Variants in CDH18 observed in about 807,000 individuals in gnomAD.
The protein encoded by CDH18 is cadherin 18.
In CDH18, 31 loss-of-function variants were observed where a neutral mutation model predicts 67.9. The ratio of observed to expected loss-of-function variants is 0.46; its 90% confidence interval spans 0.34 to 0.62. The LOEUF is 0.62. Ranked by LOEUF, CDH18 falls within the 20% of genes least tolerant of loss-of-function variation. CDH18 has a pLI of 0.01. For missense variants in CDH18, 890 were observed against 975.5 expected (o/e 0.91, Z 1.17); for synonymous variants, 362 against 347.2 (o/e 1.04, Z -0.48).
At position 19,747,305 on chromosome 5, in the gene CDH18, C is replaced by A. The variant is rs1770155394; in HGVS notation, c.229-69G>T. 8 of 1,278,126 alleles carry A rather than the reference C, an allele frequency of 6.3e-6. No homozygotes were observed. In the Admixed American group the frequency reaches 1.6e-4, roughly 25 times the overall value. The allele number at this position is 1,278,126 out of a possible 1,614,324, so 79.2% of individuals were successfully genotyped here. The stretch of plus-strand genomic sequence containing the variant: ...AACCTCACATTATGTTCTCTGAAAA[C>A]TCCCTATCTATAATTACTTTGGCTA... On this transcript the variant is annotated intron_variant, in intron 3 of 12. Transcript: ENST00000382275.
At chr5:19,843,067 T>C (rs1397592007) in intron 2 of CDH18, among the ~76,000 whole-genome samples, 9 of 152,152 alleles carry the variant, frequency 5.9e-5, no homozygotes, top group Non-Finnish European at 1.3e-4. Flanking sequence ...AAACTAATTT[T>C]ATGGAAAGAA....
chr5:20,136,789 G>A (rs1013674409), intron 2 of CDH18, among the ~76,000 whole-genome samples: 1 of 152,150 alleles, frequency 6.6e-6, no homozygotes, highest in Non-Finnish European at 1.5e-5. Context: ...GCCTGGTGGT[G>A]ACAAAATCTC....
intron 1 of CDH18, among the ~76,000 whole-genome samples, chr5:20,388,155 C>A (rs1744479897): frequency 6.6e-6 from 1 of 152,126 alleles, no homozygotes; most frequent in Non-Finnish European, 1.5e-5. Context: ...CCAGTTCCTC[C>A]TTGTACCTCT....
intron 1 of CDH18, among the ~76,000 whole-genome samples, chr5:20,371,463 A>C (rs532953780): frequency 6.6e-6 from 1 of 152,198 alleles, no homozygotes; most frequent in Non-Finnish European, 1.5e-5. Flanking sequence ...ATTTGGCAAG[A>C]TGGAACATGA....
intron 2 of CDH18, among the ~76,000 whole-genome samples, chr5:19,968,079 CT>C (rs1201711314): frequency 6.6e-6 from 1 of 151,140 alleles, no homozygotes; most frequent in Non-Finnish European, 1.5e-5. Flanking sequence ...CATGAGTGAA[CT>C]CCCATTCACA....
intron 2 of CDH18, among the ~76,000 whole-genome samples, chr5:19,933,705 C>T (rs1793947614): frequency 6.6e-6 from 1 of 151,406 alleles, no homozygotes; most frequent in Non-Finnish European, 1.5e-5. Context: ...CAAATTTCTC[C>T]TTACTGTTTT....
At chr5:20,014,549 C>G (rs1737721664) in intron 2 of CDH18, among the ~76,000 whole-genome samples, 1 of 151,974 alleles carries the variant, frequency 6.6e-6, no homozygotes, top group South Asian at 2.1e-4. Context: ...AATAAGAAAG[C>G]AAAAGAATCT....
intron 1 of CDH18, among the ~76,000 whole-genome samples, chr5:20,551,337 T>C (rs1434585065): frequency 6.6e-6 from 1 of 152,154 alleles, no homozygotes; most frequent in Non-Finnish European, 1.5e-5. Flanking sequence ...TTTACAGTGG[T>C]GTCAAATTCC....
chr5:20,507,370 A>G (rs1754722250), intron 1 of CDH18, among the ~76,000 whole-genome samples: 1 of 152,198 alleles, frequency 6.6e-6, no homozygotes, highest in African/African-American at 2.4e-5. Context: ...ATCTATACTT[A>G]TTGAGTGGAA....
At chr5:19,933,224 C>T (rs1793896013) in intron 2 of CDH18, among the ~76,000 whole-genome samples, 1 of 151,456 alleles carries the variant, frequency 6.6e-6, no homozygotes, top group Admixed American at 6.6e-5. Flanking sequence ...TATAAGCTTG[C>T]TCTACCACAT....
At chr5:20,117,342 G>A (rs57878094) in intron 2 of CDH18, among the ~76,000 whole-genome samples, 21,479 of 152,032 alleles carry the variant, frequency 0.14, 2,640 homozygotes, top group African/African-American at 0.33. Flanking sequence ...GAAAAATGAA[G>A]TATGACTAAT....
chr5:20,385,727 AT>A (rs2150107422), intron 1 of CDH18, among the ~76,000 whole-genome samples: 1 of 152,268 alleles, frequency 6.6e-6, no homozygotes, highest in East Asian at 1.9e-4. Flanking sequence ...TTTCTCTTTG[AT>A]GTGTCTTTAT....
intron 2 of CDH18, among the ~76,000 whole-genome samples, chr5:20,224,859 T>C (rs907831242): frequency 1.7e-4 from 26 of 152,174 alleles, no homozygotes; most frequent in African/African-American, 6.3e-4. Context: ...TATTATATTG[T>C]GTCACAAACA....
intron 5 of CDH18, among the ~76,000 whole-genome samples, chr5:19,703,182 C>A (rs1001348930): frequency 2.0e-5 from 3 of 152,132 alleles, no homozygotes; most frequent in Admixed American, 6.5e-5. Flanking sequence ...CACGACTGAG[C>A]TGGTCTCGGC....
rs6860549 is a variant in CDH18, at chr5:19,884,433, G to A, written c.-256-45191C>T. 3.2e-3 allele frequency among the ~76,000 whole-genome samples: 484 copies of A among 151,948 alleles called. 2 individuals are homozygous for A. Among genetic ancestry groups the A allele is most frequent in the Middle Eastern group, 0.011 (3 of 280 alleles). ...TAACAGAGCATTATTTTACCTTTGA[G>A]GCTAATTTCTATTTTAAGTTGAAAT... On this transcript the variant is annotated intron_variant, in intron 2 of 12. Coordinates refer to ENST00000382275, the MANE Select transcript of CDH18 (RefSeq NM_004934.5).
At chr5:19,845,177 TA>T (rs142351005) in intron 2 of CDH18, among the ~76,000 whole-genome samples, 44,095 of 151,524 alleles carry the variant, frequency 0.29, 7,723 homozygotes, top group Non-Finnish European at 0.38. Flanking sequence ...TTCAAAGAAT[TA>T]AAAAAAAATA....
intron 2 of CDH18, among the ~76,000 whole-genome samples, chr5:19,953,434 A>G (rs554557341): frequency 6.6e-6 from 1 of 152,158 alleles, no homozygotes; most frequent in South Asian, 2.1e-4. Flanking sequence ...AACAATGAGC[A>G]ATCCTTAGAA....
intron 2 of CDH18, among the ~76,000 whole-genome samples, chr5:19,977,338 T>C (rs188054461): frequency 2.0e-5 from 3 of 152,282 alleles, no homozygotes; most frequent in East Asian, 3.9e-4. Flanking sequence ...TAGCTGAAGT[T>C]ATTCCCCAAA....
Position 20,280,172 on chromosome 5 carries a change from CTTTA to C in CDH18, c.-579-24671_-579-24668del, listed in dbSNP as rs200375619. Reference sequence around the variant, plus strand: ...TTTTAATATTGAAAGAAGAAAAAAACTTTATTTATTTATTTATTTTATTTATTTT... The same window carrying C: ...TTTTAATATTGAAAGAAGAAAAAAACTTTATTTATTTATTTTATTTATTTT... On this transcript the variant is annotated intron_variant, in intron 1 of 14. Coordinates refer to the CDH18 transcript ENST00000507958. Among the ~76,000 whole-genome samples the C allele has an allele frequency of 2.1e-3, 314 of 151,490 alleles. 2 individuals carry two copies. The highest frequency in any genetic ancestry group is 7.9e-3 in the East Asian group (41 of 5,164).
Sources: allele counts gnomAD v4.1 joint callset (sites outside exome capture counted in the v4.1 genomes callset), GRCh38; gene constraint gnomAD v4.1.1; transcripts MANE v1.5; gene names NCBI Gene and HGNC (gene_info 2026-07-23, HGNC 2026-07-21).